CPA5: variants seen among roughly 807,000 people sequenced by gnomAD.
CPA5 encodes carboxypeptidase A5.
A neutral mutation model predicts 52.2 loss-of-function variants in CPA5; 38 were observed. The ratio of observed to expected loss-of-function variants is 0.73; its 90% CI spans 0.56 to 0.95. The LOEUF is 0.95. Ranked by LOEUF, CPA5 falls within the 40% of genes least tolerant of loss-of-function variation. CPA5 has a pLI of 0.00. For synonymous variants in CPA5, 198 were observed against 213.7 expected, an observed-to-expected ratio of 0.93 and a Z score of 0.64; for missense variants, 519 against 566.7, an observed-to-expected ratio of 0.92 and a Z score of 0.86.
Position 130,367,354 on chromosome 7 carries a change from G to T in CPA5, c.839-18G>T. On this transcript the variant is annotated intron_variant, in intron 10 of 12. Transcript: ENST00000474905. The stretch of plus-strand genomic sequence containing the variant: ...ACGTGGGGATTTGACTCTTTGGGTG[G>T]CTTTATTTTACTTCCAGGAAATGGT... The T allele has an allele frequency of 1.2e-6, 2 of 1,612,506 alleles. No individual in the cohort carries two copies. Among genetic ancestry groups the T allele is most frequent in the Non-Finnish European group, 1.7e-6 (2 of 1,179,266 alleles).
chr7:130,356,090 G>A (rs540734090), intron 5 of CPA5, among the ~76,000 whole-genome samples: 63 of 152,326 alleles, frequency 4.1e-4, no homozygotes, highest in African/African-American at 1.2e-3. Flanking sequence ...GGCCAGGAAC[G>A]TGGGAGGAGA....
At chr7:130,347,880 C>A (rs376540970) in intron 4 of CPA5, 33 bp downstream of exon 4, 3 of 1,566,964 alleles carry the variant, frequency 1.9e-6, no homozygotes, top group Non-Finnish European at 2.6e-6. Flanking sequence ...GACAACCCCA[C>A]CCCCTCCTCA....
Position 130,349,885 on chromosome 7 carries a change from G to A in CPA5, c.199-90G>A, listed in dbSNP as rs577506665. The A allele has an allele frequency of 2.0e-5, 29 of 1,441,270 alleles. No homozygotes were observed. The South Asian group carries it at 3.3e-4, about 16-fold the overall frequency. The allele number at this position is 1,441,270 out of a possible 1,614,324, so 89.3% of individuals were successfully genotyped here. ...CGTAGAAAGAGGGTCTCTACTGGCT[G>A]AGAGATTCTCTGGCTCTCTGTGGTC... is the stretch of plus-strand genomic sequence containing the variant. On this transcript the variant is annotated intron_variant, in intron 4 of 12. Transcript: ENST00000474905.
chr7:130,367,635 A>G (rs1175324859), intron 11 of CPA5, 64 bp downstream of exon 11: 2 of 1,454,592 alleles, frequency 1.4e-6, no homozygotes, highest in African/African-American at 2.8e-5. Flanking sequence ...CATATCTGTC[A>G]TACTCCCAGA....
At chr7:130,351,753 C>T (rs908931761) in intron 5 of CPA5, among the ~76,000 whole-genome samples, 1 of 152,162 alleles carries the variant, frequency 6.6e-6, no homozygotes, top group Non-Finnish European at 1.5e-5. Flanking sequence ...CCTTGGGTTG[C>T]TGGCGTCCAG....
At chr7:130,347,966 A>G in intron 4 of CPA5, 119 bp downstream of exon 4, 1 of 724,320 alleles carries the variant, frequency 1.4e-6, no homozygotes, top group Non-Finnish European at 2.3e-6. Context: ...TGCAAAGAGC[A>G]CAGACCTGTG....
At chr7:130,359,065 A>G (rs1417181695) in intron 5 of CPA5, among the ~76,000 whole-genome samples, 1 of 152,096 alleles carries the variant, frequency 6.6e-6, no homozygotes, top group African/African-American at 2.4e-5. Context: ...CTAGAAGTGG[A>G]GTTAATGTTG....
chr7:130,350,390 G>C (rs140572746), intron 5 of CPA5, among the ~76,000 whole-genome samples: 3 of 152,134 alleles, frequency 2.0e-5, no homozygotes, highest in African/African-American at 7.2e-5. Context: ...GCAAAGGTGC[G>C]GGGAGAAGGG....
intron 3 of CPA5, 87 bp from the exon 4 acceptor site, chr7:130,347,679 T>C: frequency 8.6e-7 from 1 of 1,156,146 alleles, no homozygotes; most frequent in Non-Finnish European, 1.3e-6. Context: ...CAGCTGGGCC[T>C]CTGCTCCACT....
chr7:130,346,840 G>A (rs1554402344), intron 3 of CPA5, among the ~76,000 whole-genome samples: 1 of 152,124 alleles, frequency 6.6e-6, no homozygotes, highest in Non-Finnish European at 1.5e-5. Context: ...AGCCCCCGGG[G>A]CTCCAAGAAT....
intron 5 of CPA5, among the ~76,000 whole-genome samples, chr7:130,357,794 G>T (rs1554405569): frequency 2.0e-5 from 3 of 152,030 alleles, no homozygotes. Flanking sequence ...TATGCTCAGG[G>T]GTCCTTGAGT....
In CPA5 at chr7:130,368,603, C is replaced by T. The variant is rs1399217561; in HGVS notation, c.*6C>T. The T allele has an allele frequency of 8.7e-6, 14 of 1,613,674 alleles. No homozygotes were observed. Among genetic ancestry groups the T allele is most frequent in the East Asian group, 6.7e-5 (3 of 44,890 alleles). On this transcript the variant is annotated 3_prime_UTR_variant, in exon 13 of 13. Transcript: ENST00000474905. ...CCCTGAATCACCCCTACTAGCAGCACGACTGAGGGCAGGAGGCTCCATCCT... is the reference window on the plus strand; with the variant it reads ...CCCTGAATCACCCCTACTAGCAGCATGACTGAGGGCAGGAGGCTCCATCCT...
In CPA5 at chr7:130,361,228, C is replaced by T. The variant is rs368370439; in HGVS notation, c.518C>T (p.Ser173Phe). Residue 173 changes from serine to phenylalanine, a missense_variant, in exon 7 of 13, where the codon TCC becomes TTC. By Grantham distance (155) the Ser-to-Phe change is radical. Transcript: ENST00000474905. ...IQIGNSFENQSILVLKFSTGG... is the reference protein window; with the variant it reads ...IQIGNSFENQFILVLKFSTGG... ...ATTGGCAACAGCTTTGAAAACCAGTCCATTCTTGTCCTGAAGGTAAAAGCC... is the reference window on the plus strand; with the variant it reads ...ATTGGCAACAGCTTTGAAAACCAGTTCATTCTTGTCCTGAAGGTAAAAGCC... 24 of 1,611,944 alleles carry T rather than the reference C, an allele frequency of 1.5e-5. No homozygotes were observed. The highest frequency in any genetic ancestry group is 2.0e-5 in the Non-Finnish European group (24 of 1,178,150).
chr7:130,359,049 T>G (rs1381912117), intron 5 of CPA5, among the ~76,000 whole-genome samples: 3 of 152,342 alleles, frequency 2.0e-5, no homozygotes, highest in Admixed American at 6.5e-5. Context: ...TTGTCTAGGC[T>G]GTTTCCTAGA....
In CPA5 at chr7:130,368,463, G is replaced by A. The variant is rs367924032; in HGVS notation, c.1177G>A (p.Ala393Thr). Residue 393 changes from alanine (A) to threonine (T), a missense_variant, in exon 13 of 13, where the codon GCC (alanine) becomes ACC (threonine). Physicochemically the swap from Ala to Thr is moderately conservative, Grantham distance 58 (BLOSUM62 0). Coordinates refer to ENST00000474905, the MANE Select transcript of CPA5 (RefSeq NM_080385.5). ...GGCCTATGACAGTGGCATCAAGTAC[G>A]CCTTCAGCTTTGAGCTCCGGGACAC... ...DWAYDSGIKY[A>T]FSFELRDTGQ... 21 of 1,614,124 alleles carry A rather than the reference G, an allele frequency of 1.3e-5. No homozygotes were observed. In the African/African-American group the frequency reaches 1.5e-4, roughly 11 times the overall value.
downstream of CPA5, among the ~76,000 whole-genome samples, chr7:130,370,396 C>T (rs1562964451): frequency 6.6e-6 from 1 of 152,034 alleles, no homozygotes; most frequent in Non-Finnish European, 1.5e-5. Flanking sequence ...AAGTTTTCTG[C>T]TGCTAGTGGA....
chr7:130,353,518 C>T (rs1440696652), intron 5 of CPA5, among the ~76,000 whole-genome samples: 1 of 152,172 alleles, frequency 6.6e-6, no homozygotes, highest in Non-Finnish European at 1.5e-5. Context: ...AGACCAAGCT[C>T]CCCTGGCCCT....
downstream of CPA5, among the ~76,000 whole-genome samples, chr7:130,372,001 T>C (rs1554409979): frequency 6.6e-6 from 1 of 152,224 alleles, no homozygotes; most frequent in Non-Finnish European, 1.5e-5. Flanking sequence ...CCAATGTTCC[T>C]GCCCAGCGGC....
chr7:130,352,386 T>C (rs1795205846), intron 5 of CPA5, among the ~76,000 whole-genome samples: 1 of 151,816 alleles, frequency 6.6e-6, no homozygotes, highest in African/African-American at 2.4e-5. Context: ...AATCGGTGGT[T>C]ACAATGGAGT....
Sources: gnomAD v4.1 joint callset for allele counts (sites outside exome capture counted in the v4.1 genomes callset) on GRCh38, gnomAD v4.1.1 for gene constraint, MANE v1.5 for transcripts, NCBI Gene and HGNC (gene_info 2026-07-23, HGNC 2026-07-21) for gene names.